ZBTB20: variants seen among roughly 807,000 people sequenced by gnomAD.
ZBTB20 encodes zinc finger and BTB domain containing 20.
Under a neutral mutation model 56.9 loss-of-function variants are expected in ZBTB20, and 9 were observed. That is an observed-to-expected ratio of 0.16 (90% confidence interval 0.10 to 0.28). The LOEUF is 0.28. Among genes scored for constraint, ZBTB20 ranks in the 10% least tolerant of loss-of-function variants. The pLI, the probability that ZBTB20 is intolerant of heterozygous loss-of-function variation, is 1.00. For synonymous variants in ZBTB20, 417 were observed against 420.7 expected (o/e 0.99, Z 0.11); for missense variants, 655 against 1,003.0 (o/e 0.65, Z 4.69).
At chr3:115,058,423 A>T (rs973625478) in intron 2 of ZBTB20, among the ~76,000 whole-genome samples, 1 of 151,654 alleles carries the variant, frequency 6.6e-6, no homozygotes, top group Non-Finnish European at 1.5e-5. Flanking sequence ...ATACAGTTTT[A>T]GTCAAATTTG....
intron 4 of ZBTB20, among the ~76,000 whole-genome samples, chr3:114,803,753 G>A (rs1259225033): frequency 6.9e-6 from 1 of 145,882 alleles, no homozygotes; most frequent in East Asian, 2.0e-4. Context: ...CTTATTTTTG[G>A]CACTTTTGTC....
chr3:114,432,143 C>T (rs1335566378), intron 7 of ZBTB20, among the ~76,000 whole-genome samples: 1 of 141,874 alleles, frequency 7.0e-6, no homozygotes, highest in Non-Finnish European at 1.5e-5. Context: ...ATTTGGGACA[C>T]TCCCTGAAGG....
intron 6 of ZBTB20, among the ~76,000 whole-genome samples, chr3:114,564,561 T>A (rs1012091645): frequency 2.0e-5 from 3 of 152,198 alleles, no homozygotes; most frequent in African/African-American, 2.4e-5. Context: ...TGTGTGGAAA[T>A]CATGGTCTTA....
At chr3:115,026,516 T>C (rs1277965140) in intron 2 of ZBTB20, among the ~76,000 whole-genome samples, 2 of 150,926 alleles carry the variant, frequency 1.3e-5, no homozygotes, top group Non-Finnish European at 1.5e-5. Context: ...CATGTCATAG[T>C]TTCACTTACG....
At chr3:114,543,310 A>G (rs1377282211) in intron 6 of ZBTB20, among the ~76,000 whole-genome samples, 1 of 152,060 alleles carries the variant, frequency 6.6e-6, no homozygotes, top group Non-Finnish European at 1.5e-5. Context: ...GATTAAATCT[A>G]CAAATGTAGA....
intron 5 of ZBTB20, among the ~76,000 whole-genome samples, chr3:114,794,273 T>C (rs948025857): frequency 2.6e-5 from 4 of 152,156 alleles, no homozygotes; most frequent in East Asian, 1.9e-4. Flanking sequence ...GATTGTAATA[T>C]ATATTGTTCA....
chr3:115,040,380 C>T (rs2108386876), intron 2 of ZBTB20, among the ~76,000 whole-genome samples: 1 of 152,210 alleles, frequency 6.6e-6, no homozygotes, highest in Middle Eastern at 3.4e-3. Flanking sequence ...TGGGAGCACA[C>T]TGGAATGGCA....
At chr3:114,504,103 A>G (rs1316380800) in intron 6 of ZBTB20, among the ~76,000 whole-genome samples, 2 of 152,206 alleles carry the variant, frequency 1.3e-5, no homozygotes, top group African/African-American at 4.8e-5. Context: ...GCTATAAACT[A>G]AAGCCAGCAG....
At chr3:114,598,149 T>G (rs1039982282) in intron 6 of ZBTB20, among the ~76,000 whole-genome samples, 2 of 152,118 alleles carry the variant, frequency 1.3e-5, no homozygotes, top group African/African-American at 4.8e-5. Flanking sequence ...GACTGTAAAA[T>G]TTTTATACTG....
intron 4 of ZBTB20, among the ~76,000 whole-genome samples, chr3:114,854,482 G>C (rs1576115684): frequency 1.3e-5 from 2 of 152,200 alleles, no homozygotes; most frequent in African/African-American, 4.8e-5. Flanking sequence ...CTCTTCTCCA[G>C]TACATTTGTA....
In ZBTB20 at chr3:114,631,633, C is replaced by T. The variant is rs553711952; in HGVS notation, c.-295+61895G>A. On this transcript the variant is annotated intron_variant, in intron 6 of 11. Coordinates refer to ENST00000675478, the MANE Select transcript of ZBTB20 (RefSeq NM_001348800.3). ...GTCTTGAACTCCTGACCTCGTGATC[C>T]GCCTGCCTCGGCCTCCCAAAGTGCT... Among the ~76,000 whole-genome samples, 4 of 151,916 alleles carry T rather than the reference C, an allele frequency of 2.6e-5. No individual in the cohort carries two copies. In the South Asian group the frequency reaches 8.3e-4, roughly 32 times the overall value.
At chr3:114,479,296 T>TA (rs905395482) in intron 7 of ZBTB20, among the ~76,000 whole-genome samples, 18 of 151,656 alleles carry the variant, frequency 1.2e-4, no homozygotes, top group African/African-American at 2.9e-4. Flanking sequence ...GAAGGACTTA[T>TA]AAAAAAAAAT....
rs373668062 is a variant in ZBTB20 at position 114,718,882 on chromosome 3, C to A, written c.-342-25307G>T. 7.7e-4 allele frequency among the ~76,000 whole-genome samples: 117 copies of A among 151,832 alleles called. 3 individuals carry two copies. In the South Asian group the frequency reaches 0.023, roughly 29 times the overall value. On this transcript the variant is annotated intron_variant, in intron 5 of 11. Transcript: ENST00000675478. ...CATGAGAACATAGTAGCAAAATTCC[C>A]AGAGTTAATACTTTAATTATACACA...
At chr3:114,748,351 T>TC (rs1560202489) in intron 5 of ZBTB20, among the ~76,000 whole-genome samples, 21 of 70,952 alleles carry the variant, frequency 3.0e-4, no homozygotes, top group African/African-American at 9.5e-4. Context: ...CTTTCTTTCT[T>TC]TTCTCTCTCT....
chr3:114,543,377 C>T (rs2049344762), intron 6 of ZBTB20, among the ~76,000 whole-genome samples: 1 of 152,116 alleles, frequency 6.6e-6, no homozygotes, highest in Non-Finnish European at 1.5e-5. Flanking sequence ...CCTTTTGTCT[C>T]TCCCTATGTT....
rs75004624 is a variant in ZBTB20, at chr3:114,704,028, A to G, written c.-342-10453T>C. Among the ~76,000 whole-genome samples, 23 of 152,288 alleles carry G rather than the reference A, an allele frequency of 1.5e-4. No individual in the cohort carries two copies. In the East Asian group the frequency reaches 4.4e-3, roughly 29 times the overall value. ...GAGTGGTGACATTTCTGTACTTTTA[A>G]AAACACAACACTACACAGCACCTAA... On this transcript the variant is annotated intron_variant, in intron 5 of 11. Coordinates refer to ENST00000675478, the MANE Select transcript of ZBTB20 (RefSeq NM_001348800.3).
At chr3:114,530,671 A>C (rs2047740873) in intron 6 of ZBTB20, among the ~76,000 whole-genome samples, 1 of 152,212 alleles carries the variant, frequency 6.6e-6, no homozygotes, top group South Asian at 2.1e-4. Context: ...TAACATCATT[A>C]CCACCTATGA....
intron 2 of ZBTB20, among the ~76,000 whole-genome samples, chr3:115,024,784 C>T (rs938051750): frequency 6.6e-6 from 1 of 150,952 alleles, no homozygotes; most frequent in Non-Finnish European, 1.5e-5. Flanking sequence ...TTTAGATGCC[C>T]TAACACTATT....
chr3:114,960,264 A>G (rs562919120), intron 3 of ZBTB20, among the ~76,000 whole-genome samples: 1 of 152,370 alleles, frequency 6.6e-6, no homozygotes, highest in Admixed American at 6.5e-5. Flanking sequence ...CAAGCACAAA[A>G]CTATGTTAGA....
Sources: gnomAD v4.1 joint callset for allele counts (sites outside exome capture counted in the v4.1 genomes callset) on GRCh38, gnomAD v4.1.1 for gene constraint, MANE v1.5 for transcripts, NCBI Gene and HGNC (gene_info 2026-07-23, HGNC 2026-07-21) for gene names.